Variants in CATSPERD observed in about 807,000 individuals in gnomAD.
The protein encoded by CATSPERD is catsper channel auxiliary subunit delta, also known as cation channel sperm-associated auxiliary subunit delta.
Under a neutral mutation model 98.1 loss-of-function variants are expected in CATSPERD, and 86 were observed. The ratio of observed to expected loss-of-function variants is 0.88; its 90% CI spans 0.74 to 1.05. The LOEUF is 1.05. CATSPERD is among the 50% of genes least tolerant of loss of function. The probability of loss-of-function intolerance (pLI) is 0.00; values close to 1 mark genes in which losing one functional copy is unlikely to be tolerated. For synonymous variants in CATSPERD, 394 were observed against 390.2 expected, an observed-to-expected ratio of 1.01 and a Z score of -0.12; for missense variants, 995 against 1,005.7, an observed-to-expected ratio of 0.99 and a Z score of 0.14.
At position 5,723,926 on chromosome 19, in the gene CATSPERD, G is replaced by A. The variant is rs192567236; in HGVS notation, c.72-882G>A. On this transcript the variant is annotated intron_variant, in intron 1 of 21. Coordinates refer to ENST00000381624, the MANE Select transcript of CATSPERD (RefSeq NM_152784.4). ...TGAGTAGCTGGGATTACAGGCATGC[G>A]CCACCACACGCTAATTTTGTATATT... 5.1e-3 allele frequency among the ~76,000 whole-genome samples: 782 copies of A among 151,966 alleles called. 4 individuals are homozygous for A. The highest frequency in any genetic ancestry group is 0.018 in the African/African-American group (740 of 41,482).
intron 21 of CATSPERD, among the ~76,000 whole-genome samples, chr19:5,776,570 G>A (rs1489323307): frequency 6.6e-6 from 1 of 152,224 alleles, no homozygotes; most frequent in East Asian, 1.9e-4. Context: ...TGGCGCACCT[G>A]AGTCGCCCTC....
intron 14 of CATSPERD, among the ~76,000 whole-genome samples, chr19:5,758,331 G>C (rs2056366230): frequency 6.6e-6 from 1 of 152,062 alleles, no homozygotes; most frequent in Non-Finnish European, 1.5e-5. Flanking sequence ...ACTCCTCACT[G>C]TGGGTCCCCA....
intron 4 of CATSPERD, among the ~76,000 whole-genome samples, chr19:5,731,431 G>A (rs952982402): frequency 3.3e-5 from 5 of 151,994 alleles, no homozygotes; most frequent in African/African-American, 1.2e-4. Context: ...AGGTTGCAGT[G>A]AGCTATGATT....
In CATSPERD at chr19:5,754,650, G is replaced by A. The variant is rs186857172; in HGVS notation, c.1278+405G>A. 4.3e-4 allele frequency among the ~76,000 whole-genome samples: 66 copies of A among 151,908 alleles called. No homozygotes were observed. In the East Asian group the frequency reaches 7.4e-3, roughly 17 times the overall value. On this transcript the variant is annotated intron_variant, in intron 13 of 21. Transcript: ENST00000381624. ...TGGTCTCAAGTGATCTGCTCACCTC[G>A]GACTCCCAAAATGTTGGGGTTACAG...
intron 5 of CATSPERD, among the ~76,000 whole-genome samples, chr19:5,735,320 T>C (rs2055821712): frequency 6.6e-6 from 1 of 150,826 alleles, no homozygotes; most frequent in Admixed American, 6.6e-5. Flanking sequence ...TGTTTGTTAG[T>C]TTGTTTTGAG....
At chr19:5,728,376 AAAAAG>A (rs1265840588) in intron 3 of CATSPERD, among the ~76,000 whole-genome samples, 46 of 145,424 alleles carry the variant, frequency 3.2e-4, no homozygotes, top group Admixed American at 8.9e-4. Flanking sequence ...AAAAAAAAAG[AAAAAG>A]AAAAGAAAAG....
rs2056283437 is a variant in CATSPERD at position 5,754,323 on chromosome 19, C to T, written c.1278+78C>T. Reference sequence around the variant, plus strand: ...TGCCCACTCCCAGATTCTGGAAATCCCCTGGCATCCCCCACAAGGAGAGAC... The same window carrying T: ...TGCCCACTCCCAGATTCTGGAAATCTCCTGGCATCCCCCACAAGGAGAGAC... On this transcript the variant is annotated intron_variant, in intron 13 of 21. Transcript: ENST00000381624. 10 of 923,506 alleles carry T rather than the reference C, an allele frequency of 1.1e-5. No individual in the cohort carries two copies. In the East Asian group the frequency reaches 1.9e-4, roughly 18 times the overall value. The allele number at this position is 923,506 out of a possible 1,614,324, so 57.2% of individuals were successfully genotyped here.
intron 16 of CATSPERD, among the ~76,000 whole-genome samples, chr19:5,765,566 C>A (rs928743322): frequency 2.6e-5 from 4 of 152,062 alleles, no homozygotes; most frequent in African/African-American, 7.2e-5. Context: ...ATTCCTAGCA[C>A]TTTGGGAGGC....
chr19:5,733,022 A>G (rs1331882858), intron 4 of CATSPERD, among the ~76,000 whole-genome samples: 1 of 145,770 alleles, frequency 6.9e-6, no homozygotes, highest in Non-Finnish European at 1.5e-5. Flanking sequence ...TTTTTTCAAG[A>G]CGGAGTTTCA....
In CATSPERD at chr19:5,727,981, C is replaced by T. The variant is rs140828876; in HGVS notation, c.203+637C>T. ...CAAGGCAGGAGGATCGCTGGAGGAT[C>T]GCTGGAAGCTAGGAATTCAAGACCA... On this transcript the variant is annotated intron_variant, in intron 3 of 21. Transcript: ENST00000381624. 4.5e-4 allele frequency among the ~76,000 whole-genome samples: 66 copies of T among 145,500 alleles called. 1 individual carries two copies. The South Asian group carries it at 0.012, about 25-fold the overall frequency.
intron 5 of CATSPERD, among the ~76,000 whole-genome samples, chr19:5,734,437 G>A (rs2055801341): frequency 6.6e-6 from 1 of 152,140 alleles, no homozygotes. Context: ...TCAGGAGTTC[G>A]AGACCAGCCT....
chr19:5,738,103 G>A (rs1269692891), intron 6 of CATSPERD, among the ~76,000 whole-genome samples: 3 of 151,686 alleles, frequency 2.0e-5, no homozygotes, highest in Admixed American at 1.3e-4. Context: ...GGTAACTTTC[G>A]ACTTCCCCAA....
intron 10 of CATSPERD, among the ~76,000 whole-genome samples, chr19:5,748,483 A>C (rs2056138908): frequency 6.6e-6 from 1 of 151,466 alleles, no homozygotes; most frequent in Non-Finnish European, 1.5e-5. Flanking sequence ...ATACAAAAAT[A>C]AGCTGGGCGT....
chr19:5,760,614 C>A (rs2145821629), intron 15 of CATSPERD, among the ~76,000 whole-genome samples: 1 of 151,892 alleles, frequency 6.6e-6, no homozygotes, highest in African/African-American at 2.4e-5. Context: ...GTGAGTGTTT[C>A]ATGAGGACCA....
chr19:5,743,179 T>C (rs2056022279), intron 7 of CATSPERD, among the ~76,000 whole-genome samples: 1 of 151,910 alleles, frequency 6.6e-6, no homozygotes, highest in Non-Finnish European at 1.5e-5. Flanking sequence ...GGCAGGCGCC[T>C]GTAATCCCAG....
At chr19:5,757,747 T>TA (rs2056353089) in intron 13 of CATSPERD, 96 bp from the exon 14 acceptor site, 3 of 880,472 alleles carry the variant, frequency 3.4e-6, no homozygotes, top group African/African-American at 3.4e-5. Context: ...AGCCCTGATT[T>TA]TTCATTTGAA....
chr19:5,728,053 A>T (rs2055639987), intron 3 of CATSPERD, among the ~76,000 whole-genome samples: 1 of 151,246 alleles, frequency 6.6e-6, no homozygotes, highest in Non-Finnish European at 1.5e-5. Flanking sequence ...AAAAAAAAAA[A>T]AATACAGAAA....
At position 5,733,970 on chromosome 19, in the gene CATSPERD, G is replaced by A. The variant is rs1426216507; in HGVS notation, c.391G>A (p.Gly131Ser). Residue 131 changes from glycine to serine, a missense_variant and splice_region_variant, in exon 5 of 22, where the codon GGT (glycine) becomes AGT (serine). Around this residue, in one of 3 missense-constraint regions of CATSPERD, gnomAD observed 228 missense variants for 209.6 expected, o/e 1.09. Coordinates refer to ENST00000381624, the MANE Select transcript of CATSPERD (RefSeq NM_152784.4). ...YENNSWSMSLGIKHPVTHVSG... is the reference protein window; with the variant it reads ...YENNSWSMSLSIKHPVTHVSG... The stretch of plus-strand genomic sequence containing the variant: ...AAATAATTCTTGGAGCATGTCTTTA[G>A]GTATGTACATTTTGTATTTTTAAAT... The A allele has an allele frequency of 6.4e-7, 1 of 1,559,524 alleles. No individual in the cohort carries two copies. Among genetic ancestry groups the A allele is most frequent in the Non-Finnish European group, 8.8e-7 (1 of 1,139,130 alleles).
chr19:5,738,429 C>T (rs1032200238), intron 6 of CATSPERD, among the ~76,000 whole-genome samples: 6 of 151,528 alleles, frequency 4.0e-5, no homozygotes, highest in Admixed American at 1.3e-4. Flanking sequence ...TTACTCAGGT[C>T]GCTGGGGTGG....
Sources: allele counts gnomAD v4.1 joint callset (sites outside exome capture counted in the v4.1 genomes callset), GRCh38; gene constraint gnomAD v4.1.1; regional missense constraint gnomAD v4.1.1; transcripts MANE v1.5; gene names NCBI Gene and HGNC (gene_info 2026-07-23, HGNC 2026-07-21).